Variants in ZNF487 observed in about 807,000 individuals in gnomAD.
ZNF487 encodes the protein zinc finger protein 487.
A neutral mutation model predicts 3.0 loss-of-function variants in ZNF487; 4 were observed. That is an observed-to-expected ratio of 1.35 (90% CI 0.66 to 3.08). ZNF487 has a LOEUF of 3.08. Among genes scored for constraint, ZNF487 ranks in the 30% most tolerant of loss-of-function variants. ZNF487 has a pLI of 0.01. For missense variants in ZNF487, 146 were observed against 98.7 expected (o/e 1.48, Z -2.03); for synonymous variants, 55 against 34.6 (o/e 1.59, Z -2.06).
chr10:43,463,367 G>A (rs189906568), intron 1 of ZNF487, among the ~76,000 whole-genome samples: 3 of 151,670 alleles, frequency 2.0e-5, no homozygotes, highest in Admixed American at 2.0e-4. Flanking sequence ...GCGAAACCCT[G>A]TCTCTACTAA....
intron 1 of ZNF487, among the ~76,000 whole-genome samples, chr10:43,438,761 T>A (rs1460343438): frequency 2.6e-5 from 4 of 152,066 alleles, no homozygotes; most frequent in Non-Finnish European, 4.4e-5. Context: ...ATGTGTCATA[T>A]ACAATAGAAT....
intron 1 of ZNF487, among the ~76,000 whole-genome samples, chr10:43,439,923 G>A (rs1299446817): frequency 6.6e-6 from 1 of 151,974 alleles, no homozygotes; most frequent in Non-Finnish European, 1.5e-5. Context: ...GTTGTTTAAT[G>A]GGTACAGAGT....
the ZNF487 span, among the ~76,000 whole-genome samples, chr10:43,521,014 T>C: frequency 6.6e-6 from 1 of 152,192 alleles, no homozygotes. Flanking sequence ...ACCATAGTAT[T>C]GTTAATATTG....
chr10:43,481,575 A>G lies in ZNF487; in HGVS notation c.277A>G (p.Ile93Val). ...AACATTTTCTCTTGACACAAACCCC[A>G]TTCTATCAAGAAAAATACGTGGCAA... ...GKTFSLDTNP[I>V]LSRKIRGNCD... The change falls in exon 4 of 4, where the codon ATT becomes GTT. Residue 93 changes from isoleucine to valine, a missense_variant. Transcript: ENST00000437590. The G allele has an allele frequency of 1.4e-6, 1 of 701,990 alleles. No individual in the cohort carries two copies. The highest frequency in any genetic ancestry group is 2.6e-6 in the Non-Finnish European group (1 of 380,168). The allele number at this position is 701,990 out of a possible 1,614,324, so 43.5% of individuals were successfully genotyped here.
chr10:43,508,051 C>T, the ZNF487 span, among the ~76,000 whole-genome samples: 135,960 of 152,272 alleles, frequency 0.89, 60,746 homozygotes, highest in East Asian at 1. Flanking sequence ...CTTTGCTGCC[C>T]GAGCCTCCAT....
At chr10:43,479,838 C>G (rs1841243684) in intron 3 of ZNF487, among the ~76,000 whole-genome samples, 1 of 151,894 alleles carries the variant, frequency 6.6e-6, no homozygotes, top group African/African-American at 2.4e-5. Context: ...TGTATTGTTA[C>G]TAGAGACGGG....
intron 1 of ZNF487, among the ~76,000 whole-genome samples, chr10:43,468,848 G>T (rs533676004): frequency 6.6e-6 from 1 of 151,470 alleles, no homozygotes; most frequent in Non-Finnish European, 1.5e-5. Flanking sequence ...AATTAGCTGG[G>T]TGTAGTGGTG....
At chr10:43,521,514 T>C in the ZNF487 span, among the ~76,000 whole-genome samples, 2 of 152,192 alleles carry the variant, frequency 1.3e-5, no homozygotes, top group Admixed American at 6.5e-5. Flanking sequence ...CACTTGTTTA[T>C]AGTATGAGAA....
the ZNF487 span, among the ~76,000 whole-genome samples, chr10:43,516,828 A>G: frequency 7.2e-3 from 1,093 of 152,326 alleles, 13 homozygotes; most frequent in African/African-American, 0.025. Context: ...ACTCAGGATC[A>G]ATACTTTGTA....
At chr10:43,467,035 T>C (rs1054165674) in intron 1 of ZNF487, among the ~76,000 whole-genome samples, 1 of 151,720 alleles carries the variant, frequency 6.6e-6, no homozygotes, top group Admixed American at 6.6e-5. Flanking sequence ...ACCCAGCTAA[T>C]TGTTTTGTAT....
At chr10:43,522,239 A>T in the ZNF487 span, among the ~76,000 whole-genome samples, 1 of 152,226 alleles carries the variant, frequency 6.6e-6, no homozygotes, top group African/African-American at 2.4e-5. Flanking sequence ...AAGAAGAGCC[A>T]GGCAAAGTGG....
chr10:43,523,892 A>T, the ZNF487 span: 2 of 152,162 alleles, frequency 1.3e-5, no homozygotes, highest in Non-Finnish European at 2.9e-5. Context: ...TGGGGAAAAA[A>T]TACTATGAGT....
At chr10:43,480,249 A>G (rs933465346) in intron 3 of ZNF487, among the ~76,000 whole-genome samples, 2 of 151,112 alleles carry the variant, frequency 1.3e-5, no homozygotes, top group Non-Finnish European at 2.9e-5. Flanking sequence ...CTGGGATTAC[A>G]GGTGCGCACC....
At chr10:43,461,888 AGGTGGGT>A (rs1388898269) in intron 1 of ZNF487, among the ~76,000 whole-genome samples, 1 of 152,168 alleles carries the variant, frequency 6.6e-6, no homozygotes, top group African/African-American at 2.4e-5. Context: ...TGTCATCCCC[AGGTGGGT>A]GGCAGGTGTG....
chr10:43,449,375 C>T (rs1276574897), intron 1 of ZNF487, among the ~76,000 whole-genome samples: 4 of 152,040 alleles, frequency 2.6e-5, no homozygotes, highest in Non-Finnish European at 5.9e-5. Context: ...TATTGACATA[C>T]ACAAGTCACA....
intron 2 of ZNF487, 76 bp from the exon 3 acceptor site, chr10:43,476,031 G>A: frequency 1.4e-6 from 1 of 698,446 alleles, no homozygotes; most frequent in East Asian, 2.7e-5. Flanking sequence ...TGCTCAAGTG[G>A]ACCTATTTTT....
chr10:43,466,965 T>C (rs1943116770), intron 1 of ZNF487, among the ~76,000 whole-genome samples: 1 of 151,776 alleles, frequency 6.6e-6, no homozygotes, highest in Admixed American at 6.6e-5. Flanking sequence ...ACCTCCTAGG[T>C]TTGGCGATTC....
At chr10:43,450,948 T>A (rs1039920425) in intron 1 of ZNF487, among the ~76,000 whole-genome samples, 3 of 152,048 alleles carry the variant, frequency 2.0e-5, no homozygotes, top group African/African-American at 7.2e-5. Context: ...ATTATTTTTT[T>A]ATTATTATTA....
the ZNF487 span, among the ~76,000 whole-genome samples, chr10:43,493,170 C>T: frequency 6.6e-5 from 10 of 152,032 alleles, no homozygotes; most frequent in Non-Finnish European, 1.5e-4. Flanking sequence ...GCGGAGGTTG[C>T]GGTGAGCTGA....
Sources: gnomAD v4.1 joint callset for allele counts (sites outside exome capture counted in the v4.1 genomes callset) on GRCh38, gnomAD v4.1.1 for gene constraint, MANE v1.5 for transcripts, NCBI Gene and HGNC (gene_info 2026-07-23, HGNC 2026-07-21) for gene names.